Variants in PLD1 observed in about 807,000 individuals in gnomAD.
The protein encoded by PLD1 is phospholipase D1.
In PLD1, 112 loss-of-function variants were observed where a neutral mutation model predicts 137.1. The ratio of observed to expected loss-of-function variants is 0.82; its 90% CI spans 0.70 to 0.96. PLD1 has a LOEUF of 0.96. Ranked by LOEUF, PLD1 falls within the 40% of genes least tolerant of loss-of-function variation. The probability of loss-of-function intolerance (pLI) is 0.00; values close to 1 mark genes in which losing one functional copy is unlikely to be tolerated. For missense variants in PLD1, 1,321 were observed against 1,342.0 expected, an observed-to-expected ratio of 0.98 and a Z score of 0.24; for synonymous variants, 431 against 454.7, an observed-to-expected ratio of 0.95 and a Z score of 0.66.
chr3:171,639,848 C>CTCTA (rs3050415), intron 23 of PLD1, among the ~76,000 whole-genome samples: 5,885 of 109,888 alleles, frequency 0.054, 190 homozygotes, highest in Non-Finnish European at 0.069. Flanking sequence ...CTCTCTCTCT[C>CTCTA]TATATATATA....
intron 1 of PLD1, among the ~76,000 whole-genome samples, chr3:171,799,918 A>G (rs1316738627): frequency 6.6e-6 from 1 of 152,318 alleles, no homozygotes; most frequent in South Asian, 2.1e-4. Context: ...AAAAACAAGG[A>G]AAGTCTGAGC....
intron 1 of PLD1, among the ~76,000 whole-genome samples, chr3:171,744,820 T>A (rs1252967050): frequency 6.6e-6 from 1 of 152,258 alleles, no homozygotes; most frequent in East Asian, 1.9e-4. Flanking sequence ...ATCCCAGCCA[T>A]TTTTAATAAT....
intron 23 of PLD1, among the ~76,000 whole-genome samples, chr3:171,635,965 CTTTTTTTTTTTTTTT>C (rs71178231): frequency 0.014 from 693 of 49,304 alleles, 11 homozygotes; most frequent in Middle Eastern, 0.062. Flanking sequence ...GGTTCAACTT[CTTTTTTTTTTTTTTT>C]TTTTTTTTTT....
At chr3:171,628,982 A>G (rs1387444161) in intron 23 of PLD1, among the ~76,000 whole-genome samples, 1 of 147,518 alleles carries the variant, frequency 6.8e-6, no homozygotes, top group African/African-American at 2.5e-5. Flanking sequence ...CACCACTCCT[A>G]TTCAACATAG....
chr3:171,668,750 T>C (rs1712422048), intron 19 of PLD1, among the ~76,000 whole-genome samples: 1 of 152,194 alleles, frequency 6.6e-6, no homozygotes, highest in African/African-American at 2.4e-5. Context: ...TTAAAAAGGA[T>C]TGTTCCCATG....
At chr3:171,724,442 C>G (rs761635177) in intron 8 of PLD1, among the ~76,000 whole-genome samples, 1 of 152,126 alleles carries the variant, frequency 6.6e-6, no homozygotes, top group African/African-American at 2.4e-5. Flanking sequence ...GCCATTTGTA[C>G]GTCTTCTTTG....
chr3:171,793,974 T>C (rs1041841672), intron 1 of PLD1: 1 of 151,918 alleles, frequency 6.6e-6, no homozygotes, highest in Admixed American at 6.6e-5. Flanking sequence ...CAAAACCCCG[T>C]CTCTACTAAA....
Position 171,662,185 on chromosome 3 carries a change from T to C in PLD1, c.2230-15A>G. Reference sequence around the variant, plus strand: ...GAGCGGAGCAACTACAAGGCAGCAATCAGAAATGAACAAGTATTAGCAATG... The same window carrying C: ...GAGCGGAGCAACTACAAGGCAGCAACCAGAAATGAACAAGTATTAGCAATG... On this transcript the variant is annotated splice_polypyrimidine_tract_variant and intron_variant, in intron 19 of 26. Coordinates refer to ENST00000351298, the MANE Select transcript of PLD1 (RefSeq NM_002662.5). 6.8e-7 allele frequency: 1 copy of C among 1,478,926 alleles called. No individual in the cohort carries two copies. The allele number at this position is 1,478,926 out of a possible 1,614,324, so 91.6% of individuals were successfully genotyped here. A position where few individuals can be genotyped will look rare whatever the true frequency, so the allele number is the denominator to read the frequency against.
At chr3:171,719,919 A>C (rs1578349686) in intron 8 of PLD1, among the ~76,000 whole-genome samples, 1 of 152,182 alleles carries the variant, frequency 6.6e-6, no homozygotes, top group Non-Finnish European at 1.5e-5. Context: ...AAGTGATCAG[A>C]ATGTATTTTT....
At chr3:171,653,081 C>A (rs1736919636) in intron 21 of PLD1, among the ~76,000 whole-genome samples, 1 of 152,110 alleles carries the variant, frequency 6.6e-6, no homozygotes, top group Admixed American at 6.5e-5. Context: ...TCCTATCCAA[C>A]CATAGCTGTA....
chr3:171,759,850 C>T (rs990074762), intron 1 of PLD1, among the ~76,000 whole-genome samples: 17 of 152,214 alleles, frequency 1.1e-4, no homozygotes, highest in Middle Eastern at 3.2e-3. Context: ...TGTTTTACTT[C>T]TTTTCTTAAC....
At chr3:171,619,921 A>G (rs534658896) in intron 24 of PLD1, among the ~76,000 whole-genome samples, 1 of 150,984 alleles carries the variant, frequency 6.6e-6, no homozygotes, top group South Asian at 2.1e-4. Flanking sequence ...AGTTTTAAAA[A>G]TTAAAAAAAA....
chr3:171,701,795 A>G (rs1040997978), intron 11 of PLD1, among the ~76,000 whole-genome samples: 1 of 152,230 alleles, frequency 6.6e-6, no homozygotes, highest in Admixed American at 6.5e-5. Context: ...CATTGGATCT[A>G]GGACACCAGT....
intron 16 of PLD1, among the ~76,000 whole-genome samples, chr3:171,684,122 G>A (rs1319492280): frequency 6.6e-6 from 1 of 152,158 alleles, no homozygotes; most frequent in African/African-American, 2.4e-5. Flanking sequence ...TATGATCAGT[G>A]TCTCAGATCA....
At chr3:171,637,969 A>G (rs1159793387) in intron 23 of PLD1, among the ~76,000 whole-genome samples, 1 of 152,100 alleles carries the variant, frequency 6.6e-6, no homozygotes, top group Non-Finnish European at 1.5e-5. Flanking sequence ...TCACGAGGTC[A>G]GGAGATAGAG....
intron 8 of PLD1, among the ~76,000 whole-genome samples, chr3:171,720,159 G>A (rs998948878): frequency 6.6e-6 from 1 of 151,778 alleles, no homozygotes; most frequent in African/African-American, 2.4e-5. Context: ...TCCAGGTGCG[G>A]TGGTATGCAC....
chr3:171,737,958 C>G lies in PLD1; in HGVS notation c.94G>C (p.Glu32Gln). ...SNIIENLDTR[E>Q]LHFEGEEVDY... The stretch of plus-strand genomic sequence containing the variant: ...ACCTCCTCTCCCTCAAAGTGGAGTT[C>G]CCGCGTGTCCAGATTTTCTATGATA... Residue 32 changes from glutamate to glutamine, a missense_variant, in exon 2 of 27, where the codon GAA becomes CAA. Coordinates refer to ENST00000351298, the MANE Select transcript of PLD1 (RefSeq NM_002662.5). 1 of 1,613,942 alleles carries G rather than the reference C, an allele frequency of 6.2e-7. No homozygotes were observed. The highest frequency in any genetic ancestry group is 8.5e-7 in the Non-Finnish European group (1 of 1,179,866).
chr3:171,794,644 C>T (rs1027461469), intron 1 of PLD1, among the ~76,000 whole-genome samples: 1 of 150,342 alleles, frequency 6.7e-6, no homozygotes, highest in Non-Finnish European at 1.5e-5. Flanking sequence ...GTAGTTACAT[C>T]GTGAATAAAA....
chr3:171,773,529 G>C (rs1391319102), intron 1 of PLD1, among the ~76,000 whole-genome samples: 2 of 152,056 alleles, frequency 1.3e-5, no homozygotes, highest in African/African-American at 2.4e-5. Flanking sequence ...TTGAACCCGG[G>C]AGGCGGAGGT....
Sources: gnomAD v4.1 joint callset for allele counts (sites outside exome capture counted in the v4.1 genomes callset) on GRCh38, gnomAD v4.1.1 for gene constraint, MANE v1.5 for transcripts, NCBI Gene and HGNC (gene_info 2026-07-23, HGNC 2026-07-21) for gene names.